The following HERC3 variants were observed in gnomAD, a reference collection of about 807,000 sequenced individuals.
HERC3 encodes the protein probable E3 ubiquitin-protein ligase HERC3.
A neutral mutation model predicts 129.9 loss-of-function variants in HERC3; 58 were observed. That is an observed-to-expected ratio of 0.45 (90% CI 0.36 to 0.56). The LOEUF is 0.56. Ranked by LOEUF, HERC3 falls within the 20% of genes least tolerant of loss-of-function variation. HERC3 has a pLI of 0.00. For synonymous variants in HERC3, 430 were observed against 451.0 expected, an observed-to-expected ratio of 0.95 and a Z score of 0.59; for missense variants, 835 against 1,244.2, an observed-to-expected ratio of 0.67 and a Z score of 4.95.
chr4:88,634,528 T>C (rs1189955484), intron 3 of HERC3, among the ~76,000 whole-genome samples: 14 of 152,138 alleles, frequency 9.2e-5, no homozygotes, highest in African/African-American at 3.1e-4. Context: ...GGCCGTAGTC[T>C]CTGTGGACCA....
At chr4:88,645,129 C>T (rs961334882) in intron 3 of HERC3, among the ~76,000 whole-genome samples, 4 of 152,046 alleles carry the variant, frequency 2.6e-5, no homozygotes, top group Non-Finnish European at 4.4e-5. Context: ...TCTGCTGCAC[C>T]CCACAGACTG....
the HERC3 span, among the ~76,000 whole-genome samples, chr4:88,532,868 C>G: frequency 6.6e-6 from 1 of 152,144 alleles, no homozygotes; most frequent in South Asian, 2.1e-4. Context: ...GATAACTTAC[C>G]TCTTGTACTA....
At chr4:88,697,068 TA>T in intron 23 of HERC3, 1 of 783,418 alleles carries the variant, frequency 1.3e-6, no homozygotes, top group East Asian at 2.9e-5. Flanking sequence ...TAATTTAATC[TA>T]TTTTAGGAAT....
chr4:88,608,063 C>T (rs1173063433), intron 3 of HERC3, among the ~76,000 whole-genome samples: 2 of 152,158 alleles, frequency 1.3e-5, no homozygotes, highest in Non-Finnish European at 1.5e-5. Context: ...GGCATCAATA[C>T]GAATTAAATT....
chr4:88,685,474 A>G (rs986072421), intron 21 of HERC3, among the ~76,000 whole-genome samples: 8 of 152,230 alleles, frequency 5.3e-5, no homozygotes, highest in Non-Finnish European at 1.2e-4. Context: ...GGAAGCCATC[A>G]TTCTTAGCAA....
In HERC3 at chr4:88,635,792, G is replaced by A. The variant is rs1578211485; in HGVS notation, c.227-14048G>A. On this transcript the variant is annotated intron_variant, in intron 3 of 25. Transcript: ENST00000402738. The stretch of plus-strand genomic sequence containing the variant: ...CAAAGGGAAGCCCACCAGACTAACA[G>A]CAGACCTCTCAGCAGAAACCCTACA... 2.0e-5 allele frequency among the ~76,000 whole-genome samples: 3 copies of A among 152,116 alleles called. No homozygotes were observed. The East Asian group carries it at 5.8e-4, about 29-fold the overall frequency.
chr4:88,539,615 G>T, the HERC3 span, among the ~76,000 whole-genome samples: 3 of 152,204 alleles, frequency 2.0e-5, no homozygotes, highest in Non-Finnish European at 4.4e-5. Flanking sequence ...CTCCTCAAGT[G>T]GGTCCCTGAC....
the HERC3 span, among the ~76,000 whole-genome samples, chr4:88,543,534 C>A: frequency 6.6e-6 from 1 of 152,098 alleles, no homozygotes; most frequent in Non-Finnish European, 1.5e-5. Flanking sequence ...GATTCAATGC[C>A]ATCCCCATCA....
intron 3 of HERC3, among the ~76,000 whole-genome samples, chr4:88,606,654 C>T (rs1279224895): frequency 6.6e-6 from 1 of 152,158 alleles, no homozygotes; most frequent in African/African-American, 2.4e-5. Flanking sequence ...AGGCATGTTT[C>T]ACATGGCGGC....
At chr4:88,594,733 T>G (rs756630822) in intron 1 of HERC3, among the ~76,000 whole-genome samples, 2 of 152,152 alleles carry the variant, frequency 1.3e-5, no homozygotes, top group Non-Finnish European at 2.9e-5. Flanking sequence ...TTTGAGATAC[T>G]TTAGGTATCT....
intron 3 of HERC3, among the ~76,000 whole-genome samples, chr4:88,615,049 C>G (rs1326320225): frequency 6.6e-6 from 1 of 152,174 alleles, no homozygotes; most frequent in Non-Finnish European, 1.5e-5. Flanking sequence ...TCACATTTAT[C>G]TTAAGTTTGT....
chr4:88,686,731 A>G lies in HERC3; in HGVS notation c.2508-5A>G. 1 of 1,600,564 alleles carries G rather than the reference A, an allele frequency of 6.2e-7. No individual in the cohort carries two copies. Among genetic ancestry groups the G allele is most frequent in the Non-Finnish European group, 8.6e-7 (1 of 1,168,022 alleles). On this transcript the variant is annotated splice_polypyrimidine_tract_variant and splice_region_variant and intron_variant, in intron 21 of 25. Coordinates refer to ENST00000402738, the MANE Select transcript of HERC3 (RefSeq NM_014606.3). ...ACTTTTCCTTTTCTGTCATTCTATGATTAGGAGTCTCCAAGAGCTTTTAGA... is the reference window on the plus strand; with the variant it reads ...ACTTTTCCTTTTCTGTCATTCTATGGTTAGGAGTCTCCAAGAGCTTTTAGA...
intron 3 of HERC3, among the ~76,000 whole-genome samples, chr4:88,643,978 C>T (rs1002865013): frequency 2.2e-4 from 34 of 152,086 alleles, no homozygotes; most frequent in East Asian, 7.7e-4. Flanking sequence ...GCAAGAACTT[C>T]GAACAGACAT....
chr4:88,678,780 A>G (rs563417964), intron 19 of HERC3, among the ~76,000 whole-genome samples: 1 of 152,210 alleles, frequency 6.6e-6, no homozygotes, highest in South Asian at 2.1e-4. Context: ...CAGAAATGTA[A>G]TAGGCATGAA....
the HERC3 span, among the ~76,000 whole-genome samples, chr4:88,571,681 G>A: frequency 1.3e-5 from 2 of 152,046 alleles, no homozygotes. Context: ...GAGATTTGTT[G>A]GTCCAAAAAT....
intron 3 of HERC3, among the ~76,000 whole-genome samples, chr4:88,625,327 A>G (rs892120322): frequency 6.6e-6 from 1 of 152,166 alleles, no homozygotes; most frequent in African/African-American, 2.4e-5. Flanking sequence ...ATTCATGAAC[A>G]TGGTGTGTCT....
chr4:88,683,272 G>A (rs1401814815), intron 21 of HERC3, among the ~76,000 whole-genome samples: 3 of 152,038 alleles, frequency 2.0e-5, no homozygotes, highest in African/African-American at 7.2e-5. Context: ...CAACTTTAAC[G>A]GGAGGGAACA....
the HERC3 span, among the ~76,000 whole-genome samples, chr4:88,551,900 A>G: frequency 3.3e-5 from 5 of 152,230 alleles, no homozygotes; most frequent in Non-Finnish European, 7.3e-5. Flanking sequence ...TCCAACAATG[A>G]TAGATTGGAC....
At chr4:88,593,897 GA>G (rs1722038229) in intron 1 of HERC3, among the ~76,000 whole-genome samples, 1 of 152,206 alleles carries the variant, frequency 6.6e-6, no homozygotes, top group South Asian at 2.1e-4. Context: ...GGGGAGGAGG[GA>G]GTAGCATTAT....
Sources: gnomAD v4.1 joint callset for allele counts (sites outside exome capture counted in the v4.1 genomes callset) on GRCh38, gnomAD v4.1.1 for gene constraint, MANE v1.5 for transcripts, NCBI Gene and HGNC (gene_info 2026-07-23, HGNC 2026-07-21) for gene names.